GOLGA4: variants seen among roughly 807,000 people sequenced by gnomAD.
GOLGA4 encodes golgin A4.
In GOLGA4, 169 loss-of-function variants were observed where a neutral mutation model predicts 265.9. That is an observed-to-expected ratio of 0.64 (90% CI 0.56 to 0.72). The LOEUF is 0.72. GOLGA4 is among the 30% of genes least tolerant of loss of function. The pLI is 0.00. For missense variants in GOLGA4, 2,482 were observed against 2,483.4 expected (o/e 1.00, Z 0.01); for synonymous variants, 923 against 855.8 (o/e 1.08, Z -1.37).
At position 37,337,143 on chromosome 3, in the gene GOLGA4, G is replaced by C. The variant is rs925273952; in HGVS notation, c.6307G>C (p.Val2103Leu). Residue 2103 changes from valine (V) to leucine (L), a missense_variant and splice_region_variant, in exon 18 of 24, where the codon GTA becomes CTA. Around this residue, in one of 3 missense-constraint regions of GOLGA4, gnomAD observed 942 missense variants for 983.1 expected, o/e 0.96. Transcript: ENST00000361924. ...EQEENPGNDN[V>L]TIMELQTQLA... ...ATGTTTTTTCTTTCCATTTTTTCAG[G>C]TAACAATTATGGAGCTACAGGTAAG... 7 of 1,441,876 alleles carry C rather than the reference G, an allele frequency of 4.9e-6. No homozygotes were observed. The highest frequency in any genetic ancestry group is 6.7e-6 in the Non-Finnish European group (7 of 1,040,236). 89.3% of individuals were successfully genotyped at this position (1,441,876 alleles called of 1,614,324 possible).
intron 2 of GOLGA4, among the ~76,000 whole-genome samples, chr3:37,258,199 GATAT>G (rs1484822307): frequency 7.0e-6 from 1 of 142,782 alleles, no homozygotes; most frequent in African/African-American, 2.6e-5. Context: ...GTATATGTAT[GATAT>G]ATATAGCATA....
At chr3:37,261,572 C>T (rs1325047812) in intron 2 of GOLGA4, among the ~76,000 whole-genome samples, 1 of 152,182 alleles carries the variant, frequency 6.6e-6, no homozygotes, top group Non-Finnish European at 1.5e-5. Context: ...TATATATACA[C>T]AGTAGATACA....
At chr3:37,354,411 A>T (rs1003635260) in intron 21 of GOLGA4, among the ~76,000 whole-genome samples, 1 of 151,998 alleles carries the variant, frequency 6.6e-6, no homozygotes, top group Non-Finnish European at 1.5e-5. Flanking sequence ...TCTCATCTTG[A>T]TACAAAATAG....
Position 37,321,857 on chromosome 3 carries a change from C to T in GOLGA4, c.1672C>T (p.Leu558Phe). The T allele has an allele frequency of 6.2e-7, 1 of 1,610,944 alleles. No homozygotes were observed. The highest frequency in any genetic ancestry group is 8.5e-7 in the Non-Finnish European group (1 of 1,179,054). The change falls in exon 13 of 24, where the codon CTT becomes TTT. Residue 558 changes from leucine to phenylalanine, a missense_variant. By Grantham distance (22) the Leu-to-Phe change is conservative (BLOSUM62 0). Around this residue, in one of 3 missense-constraint regions of GOLGA4, gnomAD observed 1,536 missense variants for 1,483.7 expected, o/e 1.04. Coordinates refer to ENST00000361924, the MANE Select transcript of GOLGA4 (RefSeq NM_002078.5). ...LTESENKLRD[L>F]QQEAETYRTR... Reference sequence around the variant, plus strand: ...AGAAAGTGAAAATAAACTTCGGGACCTTCAGCAAGAAGCAGAGACTTACAG... The same window carrying T: ...AGAAAGTGAAAATAAACTTCGGGACTTTCAGCAAGAAGCAGAGACTTACAG...
chr3:37,342,220 T>C (rs956154850), intron 20 of GOLGA4, among the ~76,000 whole-genome samples: 2 of 152,128 alleles, frequency 1.3e-5, no homozygotes, highest in Non-Finnish European at 2.9e-5. Context: ...GGCGTACACC[T>C]GTAATCTCAG....
At position 37,302,239 on chromosome 3, in the gene GOLGA4, G is replaced by A; in HGVS notation, c.1141G>A (p.Glu381Lys). 3 of 1,613,090 alleles carry A rather than the reference G, an allele frequency of 1.9e-6. No individual in the cohort carries two copies. Among genetic ancestry groups the A allele is most frequent in the Non-Finnish European group, 2.5e-6 (3 of 1,179,130 alleles). Reference protein sequence around the residue: ...RQMHETLEMKEEEIAQLRSRI... With the variant: ...RQMHETLEMKKEEIAQLRSRI... The stretch of plus-strand genomic sequence containing the variant: ...GATGCATGAAACCCTGGAAATGAAA[G>A]AAGAAGAAATTGCTCAACTCCGTAG... The change falls in exon 10 of 24, where the codon GAA becomes AAA. Residue 381 changes from glutamate to lysine, a missense_variant. Glu to Lys is a moderately conservative substitution (Grantham distance 56). Transcript: ENST00000361924.
intron 21 of GOLGA4, among the ~76,000 whole-genome samples, chr3:37,354,223 A>G (rs2097083860): frequency 6.6e-6 from 1 of 151,918 alleles, no homozygotes; most frequent in African/African-American, 2.4e-5. Flanking sequence ...CTTCCCCCAT[A>G]TGCAAAGTCT....
At position 37,254,921 on chromosome 3, in the gene GOLGA4, A is replaced by G. The variant is rs544958686; in HGVS notation, c.162+3437A>G. Reference sequence around the variant, plus strand: ...AGCTTATATATTATATATATAGCTTATATATATTTTAAATTAACTTATACC... The same window carrying G: ...AGCTTATATATTATATATATAGCTTGTATATATTTTAAATTAACTTATACC... On this transcript the variant is annotated intron_variant, in intron 2 of 23. Transcript: ENST00000361924. 6.7e-5 allele frequency among the ~76,000 whole-genome samples: 10 copies of G among 148,346 alleles called. No homozygotes were observed. The East Asian group carries it at 1.9e-3, about 29-fold the overall frequency.
intron 18 of GOLGA4, 38 bp downstream of exon 18, chr3:37,337,201 T>G (rs2097016864): frequency 8.9e-7 from 1 of 1,117,600 alleles, no homozygotes; most frequent in Non-Finnish European, 1.3e-6. Flanking sequence ...TTCTTTTTTT[T>G]CTTTGAGACA....
At chr3:37,352,794 G>A (rs1208226787) in intron 21 of GOLGA4, among the ~76,000 whole-genome samples, 6 of 151,982 alleles carry the variant, frequency 3.9e-5, no homozygotes, top group African/African-American at 1.2e-4. Context: ...ATTCTGATTC[G>A]TGTGTTCACT....
rs1256534651 is a variant in GOLGA4 at position 37,324,508 on chromosome 3, T to A, written c.2622T>A (p.Asn874Lys). The A allele has an allele frequency of 6.2e-7, 1 of 1,613,728 alleles. No individual in the cohort carries two copies. Residue 874 changes from asparagine to lysine, a missense_variant, in exon 14 of 24, where the codon AAT (asparagine) becomes AAA (lysine). Around this residue, in one of 3 missense-constraint regions of GOLGA4, gnomAD observed 1,536 missense variants for 1,483.7 expected, o/e 1.04. Coordinates refer to ENST00000361924, the MANE Select transcript of GOLGA4 (RefSeq NM_002078.5). Reference protein sequence around the residue: ...QDLMQQLEKQNSEMEQKVKSL... With the variant: ...QDLMQQLEKQKSEMEQKVKSL... ...TAATGCAGCAACTTGAAAAACAAAA[T>A]AGTGAAATGGAGCAAAAAGTAAAAT...
intron 1 of GOLGA4, among the ~76,000 whole-genome samples, chr3:37,249,316 A>G (rs1016262398): frequency 2.6e-5 from 4 of 152,168 alleles, no homozygotes; most frequent in Non-Finnish European, 4.4e-5. Context: ...TTCCCTTGCC[A>G]TTTTCTAAGT....
intron 21 of GOLGA4, among the ~76,000 whole-genome samples, chr3:37,350,427 A>G (rs2097070227): frequency 6.6e-6 from 1 of 152,158 alleles, no homozygotes; most frequent in South Asian, 2.1e-4. Context: ...TTTCTTAGTA[A>G]ATATAAATGG....
At position 37,284,174 on chromosome 3, in the gene GOLGA4, C is replaced by G. The variant is rs569947398; in HGVS notation, c.478-1840C>G. ...CTCTTCCACACACAACCCCCCTCCACCCCTTTTTTGAGCACAATTTTTCTT... is the reference window on the plus strand; with the variant it reads ...CTCTTCCACACACAACCCCCCTCCAGCCCTTTTTTGAGCACAATTTTTCTT... On this transcript the variant is annotated intron_variant, in intron 3 of 23. Transcript: ENST00000361924. 2.4e-4 allele frequency among the ~76,000 whole-genome samples: 36 copies of G among 152,302 alleles called. No homozygotes were observed. The South Asian group carries it at 7.5e-3, about 32-fold the overall frequency.
intron 16 of GOLGA4, among the ~76,000 whole-genome samples, chr3:37,330,757 G>T (rs758415297): frequency 6.6e-6 from 1 of 152,146 alleles, no homozygotes; most frequent in South Asian, 2.1e-4. Flanking sequence ...GCCAGGCACG[G>T]TGGCTCATGC....
At chr3:37,291,171 G>A (rs9879975) in intron 5 of GOLGA4, among the ~76,000 whole-genome samples, 8,128 of 152,156 alleles carry the variant, frequency 0.053, 298 homozygotes, top group African/African-American at 0.11. Context: ...AAAACCTGAT[G>A]AATCCTCTTT....
intron 2 of GOLGA4, among the ~76,000 whole-genome samples, chr3:37,257,056 A>G (rs1290787845): frequency 6.6e-6 from 1 of 152,120 alleles, no homozygotes; most frequent in African/African-American, 2.4e-5. Flanking sequence ...ATGAAACCCC[A>G]TGCTGATTAA....
rs1246229458 is a variant in GOLGA4, at chr3:37,337,750, G to T, written c.6396+16G>T. On this transcript the variant is annotated intron_variant, in intron 19 of 23. Coordinates refer to ENST00000361924, the MANE Select transcript of GOLGA4 (RefSeq NM_002078.5). ...CAGAGAACAGGTACAGGCCTAATTG[G>T]TACCTTTTATTTTGAACTAAAGTTT... The T allele has an allele frequency of 3.3e-6, 5 of 1,518,164 alleles. No individual in the cohort carries two copies. The East Asian group carries it at 9.0e-5, about 27-fold the overall frequency. 94.0% of individuals were successfully genotyped at this position (1,518,164 alleles called of 1,614,324 possible).
intron 12 of GOLGA4, chr3:37,320,248 A>G (rs986410604): frequency 3.9e-5 from 6 of 152,306 alleles, no homozygotes; most frequent in Admixed American, 2.0e-4. Flanking sequence ...AGCCTTTTAT[A>G]TAAGTTGCCA....
Sources: gnomAD v4.1 joint callset for allele counts (sites outside exome capture counted in the v4.1 genomes callset) on GRCh38, gnomAD v4.1.1 for gene constraint, gnomAD v4.1.1 regional missense constraint, MANE v1.5 for transcripts, NCBI Gene and HGNC (gene_info 2026-07-23, HGNC 2026-07-21) for gene names.